MEPCE: variants seen among roughly 807,000 people sequenced by gnomAD.
MEPCE encodes 7SK snRNA methylphosphate capping enzyme.
Under a neutral mutation model 52.3 loss-of-function variants are expected in MEPCE, and 9 were observed. The observed-to-expected ratio is 0.17, with a 90% confidence interval of 0.10 to 0.30. The LOEUF (loss-of-function observed/expected upper bound fraction) is 0.30. Ranked by LOEUF, MEPCE falls within the 10% of genes least tolerant of loss-of-function variation. The pLI is 1.00. For missense variants in MEPCE, 826 were observed against 933.0 expected, an observed-to-expected ratio of 0.89 and a Z score of 1.49; for synonymous variants, 477 against 401.6, an observed-to-expected ratio of 1.19 and a Z score of -2.25.
At position 100,431,591 on chromosome 7, in the gene MEPCE, G is replaced by T. The variant is rs772376538; in HGVS notation, c.1573G>T (p.Ala525Ser). The change falls in exon 1 of 4, where the codon GCC becomes TCC. Residue 525 changes from alanine to serine, a missense_variant. Physicochemically the swap from Ala to Ser is moderately conservative, Grantham distance 99. Transcript: ENST00000310512. ...TTVRKRSCFPASLTASRGPIA... is the reference protein window; with the variant it reads ...TTVRKRSCFPSSLTASRGPIA... Reference sequence around the variant, plus strand: ...CGTTCGAAAGAGGAGCTGCTTCCCAGCCTCGCTGACTGCCAGCCGGGGTCC... The same window carrying T: ...CGTTCGAAAGAGGAGCTGCTTCCCATCCTCGCTGACTGCCAGCCGGGGTCC... The T allele has an allele frequency of 3.7e-6, 6 of 1,611,484 alleles. No individual in the cohort carries two copies. In the South Asian group the frequency reaches 6.6e-5, roughly 18 times the overall value.
In MEPCE at chr7:100,431,003, G is replaced by A. The variant is rs757981659; in HGVS notation, c.985G>A (p.Val329Met). ...AGCCATCAACTGCAGGGATGAAGTG[G>A]TGTCTCCCCTTCCATCTGCTCTGCA... ...NTAINCRDEV[V>M]SPLPSALQGP... The change falls in exon 1 of 4, where the codon GTG becomes ATG. Residue 329 changes from valine (V) to methionine (M), a missense_variant. By Grantham distance (21) the Val-to-Met change is conservative (BLOSUM62 1). Around this residue, in one of 7 missense-constraint regions of MEPCE, gnomAD observed 307 missense variants for 292.1 expected, o/e 1.05. Transcript: ENST00000310512. 5 of 1,613,520 alleles carry A rather than the reference G, an allele frequency of 3.1e-6. No homozygotes were observed. The highest frequency in any genetic ancestry group is 3.4e-6 in the Non-Finnish European group (4 of 1,179,846).
chr7:100,430,794 G>A lies in MEPCE; in HGVS notation c.776G>A (p.Gly259Asp). ...HVVLASPLKT[G>D]RKRHRHRGQH... ...GTTCTTGCTTCGCCACTCAAGACTG[G>A]TCGGAAGCGGCATAGACACCGGGGA... is the stretch of plus-strand genomic sequence containing the variant. The change falls in exon 1 of 4, where the codon GGT (glycine) becomes GAT (aspartate). Residue 259 changes from glycine to aspartate, a missense_variant. Around this residue, in one of 7 missense-constraint regions of MEPCE, gnomAD observed 307 missense variants for 292.1 expected, o/e 1.05. Transcript: ENST00000310512. 6.2e-7 allele frequency: 1 copy of A among 1,613,632 alleles called. No individual in the cohort carries two copies. The highest frequency in any genetic ancestry group is 8.5e-7 in the Non-Finnish European group (1 of 1,179,834).
At position 100,429,875 on chromosome 7, in the gene MEPCE, A is replaced by AG. The variant is rs1798520627; in HGVS notation, c.-142dup. Reference sequence around the variant, plus strand: ...GGCTAGTAGGGCGCACTTGGCGGGGAGGCGCTTGGGCGCGAGACTAGGCGT... The same window carrying AG: ...GGCTAGTAGGGCGCACTTGGCGGGGAGGGCGCTTGGGCGCGAGACTAGGCGT... On this transcript the variant is annotated 5_prime_UTR_variant, in exon 1 of 4. Coordinates refer to ENST00000310512, the MANE Select transcript of MEPCE (RefSeq NM_019606.6). 1.6e-6 allele frequency: 1 copy of AG among 636,762 alleles called. No individual in the cohort carries two copies. Among genetic ancestry groups the AG allele is most frequent in the Non-Finnish European group, 2.2e-6 (1 of 449,212 alleles). 39.4% of individuals were successfully genotyped at this position (636,762 alleles called of 1,614,324 possible).
Position 100,429,871 on chromosome 7 carries a change from G to C in MEPCE, c.-148G>C, listed in dbSNP as rs745498070. On this transcript the variant is annotated 5_prime_UTR_variant, in exon 1 of 4. Transcript: ENST00000310512. The stretch of plus-strand genomic sequence containing the variant: ...CGCGGGCTAGTAGGGCGCACTTGGC[G>C]GGGAGGCGCTTGGGCGCGAGACTAG... 3 of 621,808 alleles carry C rather than the reference G, an allele frequency of 4.8e-6. No homozygotes were observed. The highest frequency in any genetic ancestry group is 3.8e-5 in the African/African-American group (2 of 52,740). 38.5% of individuals were successfully genotyped at this position (621,808 alleles called of 1,614,324 possible).
Position 100,430,549 on chromosome 7 carries a change from T to C in MEPCE, c.531T>C (p.Cys177=). The change falls in exon 1 of 4, where the codon TGT becomes TGC. Residue 177 remains cysteine (C), a synonymous_variant. Coordinates refer to ENST00000310512, the MANE Select transcript of MEPCE (RefSeq NM_019606.6). ...GGCGCAGGCGGGTGAATTCGGACTGTGACTCTGTGTTACCCTCCAACTTCC... is the reference window on the plus strand; with the variant it reads ...GGCGCAGGCGGGTGAATTCGGACTGCGACTCTGTGTTACCCTCCAACTTCC... ...FKRRRRVNSD[C]DSVLPSNFLL... is the part of the protein sequence containing the mutation. The C allele has an allele frequency of 6.3e-7, 1 of 1,591,446 alleles. No homozygotes were observed. The highest frequency in any genetic ancestry group is 1.1e-5 in the South Asian group (1 of 89,606).
At chr7:100,429,655 T>G, upstream of MEPCE, 3 of 201,550 alleles carry the variant, frequency 1.5e-5, no homozygotes, top group Non-Finnish European at 1.0e-5. Context: ...AGCCGTTAAG[T>G]TGGTTCGTAG....
intron 1 of MEPCE, 116 bp downstream of exon 1, chr7:100,431,805 G>C (rs1309521660): frequency 8.1e-6 from 8 of 993,786 alleles, no homozygotes; most frequent in Non-Finnish European, 1.1e-5. Flanking sequence ...GGGTTGGCAA[G>C]TGAGAGCCTC....
rs1211673928 is a variant in MEPCE at position 100,433,510 on chromosome 7, C to A, written c.2026C>A (p.Arg676Ser). The change falls in exon 4 of 4, where the codon CGT becomes AGT. Residue 676 changes from arginine (R) to serine (S), a missense_variant. By Grantham distance (110) the Arg-to-Ser change is moderately radical. Coordinates refer to ENST00000310512, the MANE Select transcript of MEPCE (RefSeq NM_019606.6). ...ACTCTCTCTCCCCTCAGGCTTCCAG[C>A]GTCCTGTGTACCTGTTCCACAAGGC... Reference protein sequence around the residue: ...TPHNTSKGFQRPVYLFHKARS... With the variant: ...TPHNTSKGFQSPVYLFHKARS... 36 of 1,613,944 alleles carry A rather than the reference C, an allele frequency of 2.2e-5. No homozygotes were observed. Among genetic ancestry groups the A allele is most frequent in the Non-Finnish European group, 3.1e-5 (36 of 1,180,024 alleles).
At position 100,430,214 on chromosome 7, in the gene MEPCE, G is replaced by A; in HGVS notation, c.196G>A (p.Gly66Ser). The part of the protein sequence containing the change: ...PSAGSPAAAV[G>S]RESPGAAATS... ...TGCGGGGTCCCCAGCCGCTGCGGTC[G>A]GTCGGGAAAGCCCCGGGGCCGCGGC... The change falls in exon 1 of 4, where the codon GGT becomes AGT. Residue 66 changes from glycine (G) to serine (S), a missense_variant. Coordinates refer to ENST00000310512, the MANE Select transcript of MEPCE (RefSeq NM_019606.6). The A allele has an allele frequency of 7.6e-7, 1 of 1,310,016 alleles. No individual in the cohort carries two copies. The highest frequency in any genetic ancestry group is 9.7e-7 in the Non-Finnish European group (1 of 1,032,808). 81.1% of individuals were successfully genotyped at this position (1,310,016 alleles called of 1,614,324 possible). A position where few individuals can be genotyped will look rare whatever the true frequency, so the allele number is the denominator to read the frequency against.
chr7:100,430,642 T>A lies in MEPCE; in HGVS notation c.624T>A (p.Thr208=), dbSNP rs1273806254. 30 of 1,613,482 alleles carry A rather than the reference T, an allele frequency of 1.9e-5. No individual in the cohort carries two copies. Among genetic ancestry groups the A allele is most frequent in the Non-Finnish European group, 2.3e-5 (27 of 1,179,970 alleles). The change falls in exon 1 of 4, where the codon ACT becomes ACA. Residue 208 remains threonine, a synonymous_variant. Transcript: ENST00000310512. Reference sequence around the variant, plus strand: ...TCCTGGATGAGGAAGTGAGCCGCACTCTCAACGCGGAGACCCCTAAGTCAT... The same window carrying A: ...TCCTGGATGAGGAAGTGAGCCGCACACTCAACGCGGAGACCCCTAAGTCAT... ...NSLLDEEVSR[T]LNAETPKSSP...
chr7:100,430,024 C>T lies in MEPCE; in HGVS notation c.6C>T (p.Ile2=). 1.6e-6 allele frequency: 2 copies of T among 1,270,690 alleles called. No homozygotes were observed. The highest frequency in any genetic ancestry group is 2.8e-5 in the South Asian group (1 of 35,602). The allele number at this position is 1,270,690 out of a possible 1,614,324, so 78.7% of individuals were successfully genotyped here. Residue 2 remains isoleucine, a synonymous_variant, in exon 1 of 4, where the codon ATC becomes ATT. Transcript: ENST00000310512. The part of the protein sequence containing the change: M[I]EMAAEKEPFL... The stretch of plus-strand genomic sequence containing the variant: ...GCACGGAATAAGGGGAGGAAATGAT[C>T]GAGATGGCGGCGGAGAAGGAGCCGT...
chr7:100,432,564 C>A (rs529922297), intron 1 of MEPCE, among the ~76,000 whole-genome samples: 42 of 152,304 alleles, frequency 2.8e-4, no homozygotes, highest in African/African-American at 9.9e-4. Flanking sequence ...GGGTTAGTTA[C>A]CCTTGCAGAA....
At chr7:100,429,673 C>A (rs187940175), upstream of MEPCE, 114 of 242,030 alleles carry the variant, frequency 4.7e-4, 1 homozygote, top group African/African-American at 2.3e-3. Flanking sequence ...TAGTCTGATG[C>A]GCGCGCAACC....
rs1798573281 is a variant in MEPCE at position 100,430,148 on chromosome 7, C to A, written c.130C>A (p.Arg44Ser). The A allele has an allele frequency of 7.8e-7, 1 of 1,286,524 alleles. No individual in the cohort carries two copies. 79.7% of individuals were successfully genotyped at this position (1,286,524 alleles called of 1,614,324 possible). A position where few individuals can be genotyped will look rare whatever the true frequency, so the allele number is the denominator to read the frequency against. The change falls in exon 1 of 4, where the codon CGC (arginine) becomes AGC (serine). Residue 44 changes from arginine (R) to serine (S), a missense_variant. Physicochemically the swap from Arg to Ser is moderately radical, Grantham distance 110. Transcript: ENST00000310512. ...PHQEAASGEL[R>S]GGTERGPGRC... is the part of the protein sequence containing the mutation. The stretch of plus-strand genomic sequence containing the variant: ...CCAAGAGGCCGCCTCTGGGGAGCTC[C>A]GCGGCGGGACGGAGCGTGGTCCGGG...
At chr7:100,432,325 A>T (rs1308625629) in intron 1 of MEPCE, among the ~76,000 whole-genome samples, 2 of 152,202 alleles carry the variant, frequency 1.3e-5, no homozygotes, top group Non-Finnish European at 2.9e-5. Flanking sequence ...CTGACTGCAC[A>T]CAGCTCCCCA....
At position 100,433,049 on chromosome 7, in the gene MEPCE, G is replaced by A. The variant is rs1280843063; in HGVS notation, c.1802G>A (p.Arg601His). ...GACGAGGGCCTGAAGCGCATGTTTCGCCGGATCTACCGGCACCTACGCCCT... is the reference window on the plus strand; with the variant it reads ...GACGAGGGCCTGAAGCGCATGTTTCACCGGATCTACCGGCACCTACGCCCT... ...WGDEGLKRMF[R>H]RIYRHLRPGG... The change falls in exon 2 of 4, where the codon CGC becomes CAC. Residue 601 changes from arginine (R) to histidine (H), a missense_variant. This residue lies in a region of MEPCE where 82 missense variants were observed against 121.4 expected (regional missense o/e 0.68). Transcript: ENST00000310512. 3.1e-6 allele frequency: 5 copies of A among 1,614,050 alleles called. No individual in the cohort carries two copies. The highest frequency in any genetic ancestry group is 4.2e-6 in the Non-Finnish European group (5 of 1,180,038).
At position 100,431,643 on chromosome 7, in the gene MEPCE, A is replaced by G; in HGVS notation, c.1625A>G (p.Asp542Gly). ...ATCGCTGCCCCCCAAGTGCCCTTGGATGGAGCGGACACATCAGTCTTCCCC... is the reference window on the plus strand; with the variant it reads ...ATCGCTGCCCCCCAAGTGCCCTTGGGTGGAGCGGACACATCAGTCTTCCCC... ...GPIAAPQVPL[D>G]GADTSVFPNN... Residue 542 changes from aspartate to glycine, a missense_variant, in exon 1 of 4, where the codon GAT (aspartate) becomes GGT (glycine). Asp to Gly is a moderately conservative substitution (Grantham distance 94, BLOSUM62 -1). Coordinates refer to ENST00000310512, the MANE Select transcript of MEPCE (RefSeq NM_019606.6). The G allele has an allele frequency of 1.2e-6, 2 of 1,605,316 alleles. No individual in the cohort carries two copies. The highest frequency in any genetic ancestry group is 1.7e-6 in the Non-Finnish European group (2 of 1,179,848).
Position 100,433,959 on chromosome 7 carries a change from C to T in MEPCE, c.*405C>T. ...TTGTCCCTAGCTGCATTTCAGTGGACCATGGATAGAGGGACTGAGGGTTAG... is the reference window on the plus strand; with the variant it reads ...TTGTCCCTAGCTGCATTTCAGTGGATCATGGATAGAGGGACTGAGGGTTAG... On this transcript the variant is annotated 3_prime_UTR_variant, in exon 4 of 4. Coordinates refer to ENST00000310512, the MANE Select transcript of MEPCE (RefSeq NM_019606.6). 2 of 201,148 alleles carry T rather than the reference C, an allele frequency of 9.9e-6. No homozygotes were observed. The highest frequency in any genetic ancestry group is 1.0e-5 in the Non-Finnish European group (1 of 97,574). The allele number at this position is 201,148 out of a possible 1,614,324, so 12.5% of individuals were successfully genotyped here.
chr7:100,432,895 C>G, intron 1 of MEPCE, 24 bp from the exon 2 acceptor site: 2 of 1,608,950 alleles, frequency 1.2e-6, no homozygotes, highest in South Asian at 1.1e-5. Flanking sequence ...CTCAGTTGAC[C>G]TCACTGCCGA....
Sources: allele counts gnomAD v4.1 joint callset (sites outside exome capture counted in the v4.1 genomes callset), GRCh38; gene constraint gnomAD v4.1.1; regional missense constraint gnomAD v4.1.1; transcripts MANE v1.5; gene names NCBI Gene and HGNC (gene_info 2026-07-23, HGNC 2026-07-21).